Variants in PKIA observed in about 807,000 individuals in gnomAD.
PKIA encodes cAMP-dependent protein kinase inhibitor alpha.
Under a neutral mutation model 7.6 loss-of-function variants are expected in PKIA, and 4 were observed. That is an observed-to-expected ratio of 0.52 (90% CI 0.26 to 1.20). The LOEUF (loss-of-function observed/expected upper bound fraction) is 1.20, where lower values mean the gene tolerates loss of function less well. PKIA is among the 50% of genes most tolerant of loss of function. The pLI, the probability that PKIA is intolerant of heterozygous loss-of-function variation, is 0.13. For synonymous variants in PKIA, 21 were observed against 30.7 expected (o/e 0.68, Z 1.04); for missense variants, 73 against 86.2 (o/e 0.85, Z 0.61).
At chr8:78,585,750 C>T (rs1212108850) in intron 2 of PKIA, among the ~76,000 whole-genome samples, 1 of 152,058 alleles carries the variant, frequency 6.6e-6, no homozygotes, top group Non-Finnish European at 1.5e-5. Flanking sequence ...TATTTAGACA[C>T]TGTACAGAAA....
At chr8:78,561,334 T>G (rs953818961) in intron 1 of PKIA, among the ~76,000 whole-genome samples, 1 of 152,186 alleles carries the variant, frequency 6.6e-6, no homozygotes, top group Non-Finnish European at 1.5e-5. Context: ...AATTTGTTTC[T>G]GATATCGTGA....
chr8:78,519,486 A>T (rs1340289050), intron 1 of PKIA, among the ~76,000 whole-genome samples: 2 of 152,160 alleles, frequency 1.3e-5, no homozygotes, highest in Non-Finnish European at 2.9e-5. Flanking sequence ...GTTGAAATGG[A>T]AAAGGAAAAA....
At chr8:78,584,226 C>G (rs1807894195) in intron 2 of PKIA, among the ~76,000 whole-genome samples, 2 of 151,762 alleles carry the variant, frequency 1.3e-5, no homozygotes, top group Admixed American at 1.3e-4. Flanking sequence ...AAATATAGCT[C>G]TCAGTTGAAA....
At chr8:78,590,465 A>T (rs1307859146) in intron 2 of PKIA, among the ~76,000 whole-genome samples, 1 of 152,130 alleles carries the variant, frequency 6.6e-6, no homozygotes, top group Non-Finnish European at 1.5e-5. Flanking sequence ...TCACTTTTCC[A>T]GCTAAAAAAA....
At chr8:78,598,571 G>C (rs1376317710) in intron 3 of PKIA, 36 bp downstream of exon 3, 5 of 1,561,616 alleles carry the variant, frequency 3.2e-6, no homozygotes, top group Middle Eastern at 1.7e-4. Context: ...TATGAGCATG[G>C]AATGATTTGC....
intron 2 of PKIA, among the ~76,000 whole-genome samples, chr8:78,577,288 A>G (rs1246602322): frequency 6.6e-6 from 1 of 151,894 alleles, no homozygotes; most frequent in Non-Finnish European, 1.5e-5. Context: ...TGGGAGCTAA[A>G]TGATGAGAAT....
At chr8:78,545,881 T>C (rs890503616) in intron 1 of PKIA, among the ~76,000 whole-genome samples, 3 of 152,184 alleles carry the variant, frequency 2.0e-5, no homozygotes, top group African/African-American at 7.2e-5. Flanking sequence ...ACCGTTTGCC[T>C]CATTTATTAA....
chr8:78,563,629 G>A (rs971075342), intron 1 of PKIA, among the ~76,000 whole-genome samples: 8 of 152,176 alleles, frequency 5.3e-5, no homozygotes, highest in African/African-American at 1.9e-4. Flanking sequence ...GAGATCACCG[G>A]TGTCCTTCAT....
chr8:78,533,342 CAT>C (rs1413030002), intron 1 of PKIA, among the ~76,000 whole-genome samples: 1 of 152,172 alleles, frequency 6.6e-6, no homozygotes, highest in Non-Finnish European at 1.5e-5. Flanking sequence ...TGATTATTCA[CAT>C]GTTCGTTTGC....
chr8:78,526,728 T>A (rs1806244000), intron 1 of PKIA, among the ~76,000 whole-genome samples: 1 of 151,486 alleles, frequency 6.6e-6, no homozygotes. Context: ...TATTATTAGG[T>A]GCTACTGATT....
rs1808402166 is a variant in PKIA at position 78,603,452 on chromosome 8, T to G, written c.*1631T>G. On this transcript the variant is annotated 3_prime_UTR_variant, in exon 4 of 4. Coordinates refer to ENST00000396418, the MANE Select transcript of PKIA (RefSeq NM_006823.4). ...CCTTCTACAGGGCATTTCAACTGAC[T>G]GGAATAAGGGCATGGTTGCATTTAG... is the stretch of plus-strand genomic sequence containing the variant. 1 of 151,928 alleles carries G rather than the reference T, an allele frequency of 6.6e-6. No individual in the cohort carries two copies. Among genetic ancestry groups the G allele is most frequent in the Non-Finnish European group, 1.5e-5 (1 of 67,946 alleles). 9.4% of individuals were successfully genotyped at this position (151,928 alleles called of 1,614,324 possible).
rs953798677 is a variant in PKIA, at chr8:78,534,303, G to T, written c.-157+17835G>T. On this transcript the variant is annotated intron_variant, in intron 1 of 3. Coordinates refer to ENST00000396418, the MANE Select transcript of PKIA (RefSeq NM_006823.4). ...GGTTCAAAGTTCTATCAGAAGGTAG[G>T]TCAGAGAAATCCCCAGCGCAAGAAC... is the stretch of plus-strand genomic sequence containing the variant. 18 of 152,208 alleles carry T rather than the reference G, an allele frequency of 1.2e-4. 1 individual carries two copies. Among genetic ancestry groups the T allele is most frequent in the Admixed American group, 1.0e-3 (16 of 15,264 alleles). The allele number at this position is 152,208 out of a possible 1,614,324, so 9.4% of individuals were successfully genotyped here. A position where few individuals can be genotyped will look rare whatever the true frequency, so the allele number is the denominator to read the frequency against.
chr8:78,528,027 A>AG (rs1806290555), intron 1 of PKIA, among the ~76,000 whole-genome samples: 1 of 152,120 alleles, frequency 6.6e-6, no homozygotes, highest in African/African-American at 2.4e-5. Flanking sequence ...ATTTTGGAGA[A>AG]TGAGTAGAGA....
rs1471782671 is a variant in PKIA at position 78,524,206 on chromosome 8, ATATATATAAACATTTATATT to A, written c.-157+7749_-157+7768del. ...TTTATATATAAACATTTATATTTAT[ATATATATAAACATTTATATT>A]TATATATAAATATATATGTTTTTAT... is the stretch of plus-strand genomic sequence containing the variant. On this transcript the variant is annotated intron_variant, in intron 1 of 3. Coordinates refer to ENST00000396418, the MANE Select transcript of PKIA (RefSeq NM_006823.4). Among the ~76,000 whole-genome samples the A allele has an allele frequency of 9.9e-3, 1,288 of 130,338 alleles. 34 individuals carry two copies. The highest frequency in any genetic ancestry group is 0.04 in the African/African-American group (1,147 of 28,528). The allele number at this position is 130,338 out of a possible 152,430, so 85.5% of individuals were successfully genotyped here. A position where few individuals can be genotyped will look rare whatever the true frequency, so the allele number is the denominator to read the frequency against.
chr8:78,539,288 AC>A (rs1456861554), intron 1 of PKIA, among the ~76,000 whole-genome samples: 2 of 152,188 alleles, frequency 1.3e-5, no homozygotes, highest in Middle Eastern at 3.4e-3. Context: ...GAGGCTGAGA[AC>A]CCTGTCTCGA....
intron 2 of PKIA, among the ~76,000 whole-genome samples, chr8:78,583,140 G>T (rs1341269470): frequency 6.6e-6 from 1 of 152,092 alleles, no homozygotes; most frequent in Non-Finnish European, 1.5e-5. Flanking sequence ...TTACTTCAAA[G>T]GCCTTTTAGA....
chr8:78,554,064 T>TA (rs1293212885), intron 1 of PKIA, among the ~76,000 whole-genome samples: 1 of 151,866 alleles, frequency 6.6e-6, no homozygotes, highest in East Asian at 1.9e-4. Context: ...CACCCAGCAA[T>TA]ATGTAGAGTG....
At chr8:78,582,479 G>A (rs978704967) in intron 2 of PKIA, among the ~76,000 whole-genome samples, 1 of 151,966 alleles carries the variant, frequency 6.6e-6, no homozygotes, top group Non-Finnish European at 1.5e-5. Context: ...CCAACACCAC[G>A]ATTCAGTTAC....
chr8:78,593,187 A>G (rs535687658), intron 2 of PKIA, among the ~76,000 whole-genome samples: 3 of 152,126 alleles, frequency 2.0e-5, no homozygotes, highest in Non-Finnish European at 4.4e-5. Flanking sequence ...CAGTGACCCA[A>G]TCTTGGCTCA....
Sources: allele counts gnomAD v4.1 joint callset (sites outside exome capture counted in the v4.1 genomes callset), GRCh38; gene constraint gnomAD v4.1.1; transcripts MANE v1.5; gene names NCBI Gene and HGNC (gene_info 2026-07-23, HGNC 2026-07-21).